PTPRR: variants seen among roughly 807,000 people sequenced by gnomAD.
PTPRR encodes protein tyrosine phosphatase receptor type R.
In PTPRR, 38 loss-of-function variants were observed where a neutral mutation model predicts 77.2. The observed-to-expected ratio is 0.49, with a 90% confidence interval of 0.38 to 0.65. The LOEUF (loss-of-function observed/expected upper bound fraction) is 0.65. PTPRR is among the 30% of genes least tolerant of loss of function. The pLI is 0.00. For missense variants in PTPRR, 744 were observed against 799.2 expected, an observed-to-expected ratio of 0.93 and a Z score of 0.83; for synonymous variants, 299 against 283.1, an observed-to-expected ratio of 1.06 and a Z score of -0.57.
chr12:70,708,797 A>G (rs1888710948), intron 6 of PTPRR, among the ~76,000 whole-genome samples: 1 of 143,536 alleles, frequency 7.0e-6, no homozygotes, highest in Non-Finnish European at 1.5e-5. Flanking sequence ...AGCTGATTTA[A>G]ATATAAATAC....
At chr12:70,776,908 G>A (rs991330246) in intron 2 of PTPRR, among the ~76,000 whole-genome samples, 1 of 151,942 alleles carries the variant, frequency 6.6e-6, no homozygotes, top group African/African-American at 2.4e-5. Flanking sequence ...AAAATTTAAG[G>A]TACAGATGGA....
chr12:70,825,710 C>T lies in PTPRR; in HGVS notation c.358-60932G>A, dbSNP rs570091767. The stretch of plus-strand genomic sequence containing the variant: ...GTTGCACGGTGCTCCCTTGTGGGCT[C>T]CCTGTCGCCTCATTGGATGTTTACT... On this transcript the variant is annotated intron_variant, in intron 2 of 13. Coordinates refer to ENST00000283228, the MANE Select transcript of PTPRR (RefSeq NM_002849.4). Among the ~76,000 whole-genome samples, 3 of 152,250 alleles carry T rather than the reference C, an allele frequency of 2.0e-5. No homozygotes were observed. The South Asian group carries it at 6.2e-4, about 32-fold the overall frequency.
chr12:70,861,407 G>A (rs758224236), intron 2 of PTPRR, among the ~76,000 whole-genome samples: 9 of 152,076 alleles, frequency 5.9e-5, no homozygotes, highest in Non-Finnish European at 1.2e-4. Flanking sequence ...ATCCCCAAAC[G>A]CTTTTGTTAT....
Position 70,873,512 on chromosome 12 carries a change from T to A in PTPRR, c.357+19167A>T, listed in dbSNP as rs193113005. Among the ~76,000 whole-genome samples, 169 of 152,208 alleles carry A rather than the reference T, an allele frequency of 1.1e-3. 1 individual carries two copies. The East Asian group carries it at 0.026, about 24-fold the overall frequency. On this transcript the variant is annotated intron_variant, in intron 2 of 13. Coordinates refer to ENST00000283228, the MANE Select transcript of PTPRR (RefSeq NM_002849.4). The stretch of plus-strand genomic sequence containing the variant: ...GAAGTCAGCTTTGTTGAGTCTACAA[T>A]AAAAGTAAAAGGAATTGAAATGAAC...
At chr12:70,672,736 G>A (rs545694268) in intron 10 of PTPRR, 13 of 1,548,906 alleles carry the variant, frequency 8.4e-6, no homozygotes, top group African/African-American at 1.4e-5. Flanking sequence ...CCCAGGGGAT[G>A]TCATCCTGAC....
chr12:70,920,527 G>A lies in PTPRR; in HGVS notation c.-137C>T. On this transcript the variant is annotated 5_prime_UTR_variant, in exon 1 of 14. Transcript: ENST00000283228. ...TCGGCTGGGGTTTGCAGAGCAGTCA[G>A]TCTGTGGCGCCGACAGAAACCAGCA... is the stretch of plus-strand genomic sequence containing the variant. 1 of 757,060 alleles carries A rather than the reference G, an allele frequency of 1.3e-6. No individual in the cohort carries two copies. Among genetic ancestry groups the A allele is most frequent in the South Asian group, 1.6e-5 (1 of 63,002 alleles). 46.9% of individuals were successfully genotyped at this position (757,060 alleles called of 1,614,324 possible). A position where few individuals can be genotyped will look rare whatever the true frequency, so the allele number is the denominator to read the frequency against.
At position 70,647,341 on chromosome 12, in the gene PTPRR, C is replaced by T. The variant is rs117481293; in HGVS notation, c.1881-8064G>A. 1.4e-3 allele frequency among the ~76,000 whole-genome samples: 210 copies of T among 152,306 alleles called. 1 individual carries two copies. Among genetic ancestry groups the T allele is most frequent in the Non-Finnish European group, 2.1e-3 (143 of 68,020 alleles). On this transcript the variant is annotated intron_variant, in intron 13 of 13. Transcript: ENST00000283228. ...AGGTCAATCTGCAATGGAATATGTT[C>T]CTTTCCTGCCTGCTTAGATGTCTTC... is the stretch of plus-strand genomic sequence containing the variant.
At chr12:70,708,815 A>AAC (rs142909764) in intron 6 of PTPRR, among the ~76,000 whole-genome samples, 7,108 of 88,886 alleles carry the variant, frequency 0.08, 175 homozygotes, top group Middle Eastern at 0.14. Context: ...TACAAATACA[A>AAC]ACACACACAC....
At chr12:70,693,792 T>C (rs929235918) in intron 8 of PTPRR, among the ~76,000 whole-genome samples, 3 of 152,188 alleles carry the variant, frequency 2.0e-5, no homozygotes, top group Non-Finnish European at 1.5e-5. Context: ...AATGGGGCTC[T>C]TGAGTACTTT....
At chr12:70,647,656 T>C (rs1378231622) in intron 13 of PTPRR, among the ~76,000 whole-genome samples, 1 of 152,240 alleles carries the variant, frequency 6.6e-6, no homozygotes, top group African/African-American at 2.4e-5. Context: ...AATTTAGTGA[T>C]ATTTGAGATT....
chr12:70,730,462 G>A (rs1453669991), intron 6 of PTPRR, among the ~76,000 whole-genome samples: 1 of 151,998 alleles, frequency 6.6e-6, no homozygotes, highest in Non-Finnish European at 1.5e-5. Context: ...AGTGAGCTGA[G>A]ATCATGCCAC....
intron 10 of PTPRR, among the ~76,000 whole-genome samples, chr12:70,674,008 A>C (rs1887347718): frequency 6.6e-6 from 1 of 152,042 alleles, no homozygotes; most frequent in Non-Finnish European, 1.5e-5. Flanking sequence ...ATCATAACTC[A>C]CCACAACCTC....
At position 70,732,426 on chromosome 12, in the gene PTPRR, C is replaced by T. The variant is rs1372626154; in HGVS notation, c.1007+13392G>A. 3.9e-5 allele frequency among the ~76,000 whole-genome samples: 6 copies of T among 152,304 alleles called. No homozygotes were observed. The East Asian group carries it at 7.7e-4, about 20-fold the overall frequency. Reference sequence around the variant, plus strand: ...GCTCCCCTCAGAGCCCCAGGTGCAGCGTGACATTGCCAAGGACATGCAGGG... The same window carrying T: ...GCTCCCCTCAGAGCCCCAGGTGCAGTGTGACATTGCCAAGGACATGCAGGG... On this transcript the variant is annotated intron_variant, in intron 6 of 13. Transcript: ENST00000283228.
chr12:70,682,151 C>T (rs1887693674), intron 10 of PTPRR, among the ~76,000 whole-genome samples: 1 of 145,592 alleles, frequency 6.9e-6, no homozygotes. Flanking sequence ...TCACGCCATT[C>T]TCCTGCCTCA....
chr12:70,870,377 T>C (rs1283085259), intron 2 of PTPRR, among the ~76,000 whole-genome samples: 1 of 152,184 alleles, frequency 6.6e-6, no homozygotes, highest in East Asian at 1.9e-4. Context: ...CCATAGTGCT[T>C]TGTGAATATA....
At chr12:70,754,842 G>C (rs1890521793) in intron 4 of PTPRR, 2 of 1,047,382 alleles carry the variant, frequency 1.9e-6, no homozygotes, top group Non-Finnish European at 2.6e-6. Context: ...AGTCTCTGCT[G>C]TCAAAACCTG....
At position 70,910,812 on chromosome 12, in the gene PTPRR, A is replaced by T. The variant is rs532162600; in HGVS notation, c.58+9521T>A. 2.0e-4 allele frequency among the ~76,000 whole-genome samples: 30 copies of T among 152,282 alleles called. No homozygotes were observed. In the East Asian group the frequency reaches 2.3e-3, roughly 12 times the overall value. ...ACCAGGCTTGTGAGGACTCATGTGAATTGCCCTAGTGAGCTTCTTAAATGT... is the reference window on the plus strand; with the variant it reads ...ACCAGGCTTGTGAGGACTCATGTGATTTGCCCTAGTGAGCTTCTTAAATGT... On this transcript the variant is annotated intron_variant, in intron 1 of 13. Transcript: ENST00000283228.
intron 4 of PTPRR, among the ~76,000 whole-genome samples, chr12:70,759,472 G>A (rs1890638213): frequency 6.6e-6 from 1 of 151,992 alleles, no homozygotes; most frequent in African/African-American, 2.4e-5. Flanking sequence ...ACAGTAGACT[G>A]ATCTTAAGAA....
intron 2 of PTPRR, among the ~76,000 whole-genome samples, chr12:70,846,959 C>T (rs1166641933): frequency 6.6e-6 from 1 of 152,072 alleles, no homozygotes; most frequent in African/African-American, 2.4e-5. Context: ...TGCCTCTTCC[C>T]TCCCTCTCAT....
Sources: allele counts gnomAD v4.1 joint callset (sites outside exome capture counted in the v4.1 genomes callset), GRCh38; gene constraint gnomAD v4.1.1; transcripts MANE v1.5; gene names NCBI Gene and HGNC (gene_info 2026-07-23, HGNC 2026-07-21).